ATP2B2: variants seen among roughly 807,000 people sequenced by gnomAD.
ATP2B2 encodes ATPase plasma membrane Ca2+ transporting 2.
In ATP2B2, 15 loss-of-function variants were observed where a neutral mutation model predicts 120.0. The ratio of observed to expected loss-of-function variants is 0.12; its 90% CI spans 0.08 to 0.19. The LOEUF is 0.19. Among genes scored for constraint, ATP2B2 ranks in the 10% least tolerant of loss-of-function variants. The probability of loss-of-function intolerance (pLI) is 1.00; values close to 1 mark genes in which losing one functional copy is unlikely to be tolerated. For missense variants in ATP2B2, 1,045 were observed against 1,719.8 expected (o/e 0.61, Z 6.94); for synonymous variants, 694 against 700.3 (o/e 0.99, Z 0.14).
chr3:10,461,230 G>C (rs2064476019), intron 1 of ATP2B2, among the ~76,000 whole-genome samples: 1 of 152,216 alleles, frequency 6.6e-6, no homozygotes, highest in Non-Finnish European at 1.5e-5. Context: ...GCCAGACACT[G>C]TTCTACTTCT....
intron 2 of ATP2B2, among the ~76,000 whole-genome samples, chr3:10,432,993 G>A (rs2063368548): frequency 6.6e-6 from 1 of 152,140 alleles, no homozygotes; most frequent in Non-Finnish European, 1.5e-5. Flanking sequence ...CCACACACAT[G>A]CATCTGCTCC....
Position 10,327,070 on chromosome 3 carries a change from T to C in ATP2B2, c.*1744A>G. On this transcript the variant is annotated 3_prime_UTR_variant, in exon 23 of 23. Transcript: ENST00000360273. ...ACTGTACAAGTTTATGGAAAAAAGATCATATGCTGAAAAGTCTCAAAGCAA... is the reference window on the plus strand; with the variant it reads ...ACTGTACAAGTTTATGGAAAAAAGACCATATGCTGAAAAGTCTCAAAGCAA... The C allele has an allele frequency of 2.6e-6, 1 of 389,832 alleles. No individual in the cohort carries two copies. Among genetic ancestry groups the C allele is most frequent in the Non-Finnish European group, 4.5e-6 (1 of 220,968 alleles). 24.1% of individuals were successfully genotyped at this position (389,832 alleles called of 1,614,324 possible). A position where few individuals can be genotyped will look rare whatever the true frequency, so the allele number is the denominator to read the frequency against.
At chr3:10,536,389 A>G (rs1047902214) in intron 2 of ATP2B2, among the ~76,000 whole-genome samples, 9 of 123,788 alleles carry the variant, frequency 7.3e-5, no homozygotes, top group African/African-American at 2.4e-4. Context: ...TGTTTTATGG[A>G]TTTGCTTTCC....
At chr3:10,520,375 AC>A (rs2125453546) in intron 3 of ATP2B2, among the ~76,000 whole-genome samples, 1 of 152,200 alleles carries the variant, frequency 6.6e-6, no homozygotes, top group Admixed American at 6.5e-5. Flanking sequence ...GGCTGGGAGA[AC>A]CCCTCACCTC....
intron 14 of ATP2B2, among the ~76,000 whole-genome samples, chr3:10,355,776 A>T (rs369900204): frequency 2.7e-5 from 4 of 148,258 alleles, no homozygotes; most frequent in African/African-American, 7.5e-5. Flanking sequence ...TTGACTTAGA[A>T]CTACTTGTCC....
At position 10,402,419 on chromosome 3, in the gene ATP2B2, CAG is replaced by C. The variant is rs1469082448; in HGVS notation, c.398-73_398-72del. 1.3e-6 allele frequency: 2 copies of C among 1,589,908 alleles called. No individual in the cohort carries two copies. The highest frequency in any genetic ancestry group is 2.7e-5 in the African/African-American group (2 of 74,742). On this transcript the variant is annotated intron_variant, in intron 3 of 22. Coordinates refer to ENST00000360273, the MANE Select transcript of ATP2B2 (RefSeq NM_001001331.4). The surrounding 1 kb of genome is among the most constrained non-coding windows in gnomAD (Gnocchi z 4.9). ...GAGAGGCCTCATGGGCCTGGATTTACAGCTCAGCTCTGCAAAGTAACAAGTGT... is the reference window on the plus strand; with the variant it reads ...GAGAGGCCTCATGGGCCTGGATTTACCTCAGCTCTGCAAAGTAACAAGTGT...
intron 12 of ATP2B2, among the ~76,000 whole-genome samples, chr3:10,365,843 G>T (rs374265775): frequency 6.8e-6 from 1 of 147,540 alleles, no homozygotes; most frequent in Non-Finnish European, 1.5e-5. Flanking sequence ...GTGCATGATG[G>T]GTGGTGTATG....
intron 1 of ATP2B2, among the ~76,000 whole-genome samples, chr3:10,472,427 G>A (rs903781724): frequency 1.1e-4 from 17 of 152,220 alleles, no homozygotes; most frequent in Admixed American, 2.0e-4. Context: ...GGGACGCTGC[G>A]GGGCAGGGCA....
At chr3:10,677,725 T>C (rs1364643759) in intron 1 of ATP2B2, among the ~76,000 whole-genome samples, 1 of 152,280 alleles carries the variant, frequency 6.6e-6, no homozygotes, top group African/African-American at 2.4e-5. Flanking sequence ...GGCTAAAAAT[T>C]TATTTTGTAG....
chr3:10,597,587 C>T (rs987929327), intron 2 of ATP2B2, among the ~76,000 whole-genome samples: 2 of 152,192 alleles, frequency 1.3e-5, no homozygotes, highest in Non-Finnish European at 2.9e-5. Context: ...CCCCCTCACC[C>T]CTATAGCCAG....
intron 4 of ATP2B2, among the ~76,000 whole-genome samples, chr3:10,401,469 G>A (rs992791066): frequency 1.3e-5 from 2 of 152,160 alleles, no homozygotes; most frequent in South Asian, 2.1e-4. Context: ...TTAGAAGACC[G>A]CAACCAAGTC....
At chr3:10,675,590 A>G (rs1213587627) in intron 1 of ATP2B2, among the ~76,000 whole-genome samples, 1 of 152,158 alleles carries the variant, frequency 6.6e-6, no homozygotes, top group African/African-American at 2.4e-5. Flanking sequence ...CACCACCAGG[A>G]GTTCCGGTGT....
intron 2 of ATP2B2, among the ~76,000 whole-genome samples, chr3:10,419,480 T>G (rs2062899160): frequency 6.6e-6 from 1 of 152,200 alleles, no homozygotes; most frequent in Non-Finnish European, 1.5e-5. Context: ...CTGTCTGTGT[T>G]GCCGCTGTCT....
intron 2 of ATP2B2, among the ~76,000 whole-genome samples, chr3:10,431,421 C>G (rs1418380727): frequency 2.0e-5 from 3 of 152,172 alleles, no homozygotes; most frequent in African/African-American, 7.2e-5. Context: ...CAGTCAGCAG[C>G]CATCAACATC....
At position 10,440,580 on chromosome 3, in the gene ATP2B2, G is replaced by A. The variant is rs149902758; in HGVS notation, c.199+8765C>T. 3.4e-3 allele frequency among the ~76,000 whole-genome samples: 510 copies of A among 152,188 alleles called. 4 individuals are homozygous for A. The highest frequency in any genetic ancestry group is 0.011 in the African/African-American group (476 of 41,502). On this transcript the variant is annotated intron_variant, in intron 2 of 22. Transcript: ENST00000360273. The stretch of plus-strand genomic sequence containing the variant: ...TTGTCATCACAGGGCCTTTGCTCAC[G>A]CCCCATTAACTGCGTGTGCTTCCCT...
chr3:10,699,760 C>T (rs1039936532), intron 1 of ATP2B2, among the ~76,000 whole-genome samples: 2 of 152,082 alleles, frequency 1.3e-5, no homozygotes, highest in African/African-American at 4.8e-5. Context: ...ATGTTTTTAT[C>T]TCCAGAGTGG....
chr3:10,406,154 G>T (rs573311970), intron 3 of ATP2B2, among the ~76,000 whole-genome samples: 1 of 152,236 alleles, frequency 6.6e-6, no homozygotes, highest in African/African-American at 2.4e-5. Context: ...GGACTCAAAC[G>T]AGGGCTCCTG....
At chr3:10,675,324 T>C (rs771397695) in intron 1 of ATP2B2, among the ~76,000 whole-genome samples, 3 of 152,254 alleles carry the variant, frequency 2.0e-5, no homozygotes, top group African/African-American at 4.8e-5. Context: ...TTGAACTTCA[T>C]GTGAATGGAA....
rs181227784 is a variant in ATP2B2 at position 10,638,009 on chromosome 3, A to G, written c.-459-18048T>C. ...GGGCAACATCTTTAGATGAAAAGAA[A>G]AAAGAAGAAACACACTGTATACGTA... On this transcript the variant is annotated intron_variant, in intron 1 of 21. Transcript: ENST00000646379. Among the ~76,000 whole-genome samples the G allele has an allele frequency of 7.9e-4, 121 of 152,352 alleles. 1 individual carries two copies. Among genetic ancestry groups the G allele is most frequent in the Non-Finnish European group, 2.2e-4 (15 of 68,032 alleles).
Sources: gnomAD v4.1 joint callset for allele counts (sites outside exome capture counted in the v4.1 genomes callset) on GRCh38, gnomAD v4.1.1 for gene constraint, Gnocchi (gnomAD v3.1) non-coding constraint, MANE v1.5 for transcripts, NCBI Gene and HGNC (gene_info 2026-07-23, HGNC 2026-07-21) for gene names.